Variants in FRY observed in about 807,000 individuals in gnomAD.
The protein encoded by FRY is protein furry homolog.
In FRY, 128 loss-of-function variants were observed where a neutral mutation model predicts 348.4. The observed-to-expected ratio is 0.37, with a 90% CI of 0.32 to 0.43. The LOEUF (loss-of-function observed/expected upper bound fraction) is 0.43. FRY is among the 20% of genes least tolerant of loss of function. The pLI, the probability that FRY is intolerant of heterozygous loss-of-function variation, is 1.00. For missense variants in FRY, 2,736 were observed against 3,695.2 expected, an observed-to-expected ratio of 0.74 and a Z score of 6.73; for synonymous variants, 1,370 against 1,374.7, an observed-to-expected ratio of 1.00 and a Z score of 0.08.
intron 55 of FRY, among the ~76,000 whole-genome samples, chr13:32,274,388 T>C (rs1033544829): frequency 2.4e-4 from 36 of 152,106 alleles, no homozygotes; most frequent in Non-Finnish European, 4.6e-4. Context: ...TTGTACACAG[T>C]AAACATATAC....
chr13:32,262,944 T>A (rs1323341569), intron 53 of FRY, among the ~76,000 whole-genome samples: 1 of 152,262 alleles, frequency 6.6e-6, no homozygotes, highest in Non-Finnish European at 1.5e-5. Context: ...ACTATCAGAA[T>A]TTTTAATGTC....
intron 4 of FRY, among the ~76,000 whole-genome samples, chr13:32,120,720 G>A (rs1878598785): frequency 6.6e-6 from 1 of 152,200 alleles, no homozygotes; most frequent in Non-Finnish European, 1.5e-5. Context: ...GGAGTGCAAT[G>A]GCATGATCTC....
Position 32,204,047 on chromosome 13 carries a change from G to C in FRY, c.4018+1520G>C, listed in dbSNP as rs187138793. 2.7e-3 allele frequency among the ~76,000 whole-genome samples: 405 copies of C among 152,284 alleles called. 4 individuals carry two copies. Among genetic ancestry groups the C allele is most frequent in the African/African-American group, 9.1e-3 (378 of 41,542 alleles). ...TAGTAGGTACCAGCCTCCATGCTAGGTACTTTATGTGCATTGCATTTATCA... is the reference window on the plus strand; with the variant it reads ...TAGTAGGTACCAGCCTCCATGCTAGCTACTTTATGTGCATTGCATTTATCA... On this transcript the variant is annotated intron_variant, in intron 31 of 60. Transcript: ENST00000542859.
chr13:32,110,671 A>T (rs1249540453), intron 3 of FRY, among the ~76,000 whole-genome samples: 1 of 151,990 alleles, frequency 6.6e-6, no homozygotes, highest in African/African-American at 2.4e-5. Context: ...TTGCTTGTTG[A>T]TTTGCTCTGC....
chr13:32,116,787 G>A (rs1469976698), intron 3 of FRY, among the ~76,000 whole-genome samples: 2 of 152,052 alleles, frequency 1.3e-5, no homozygotes, highest in Non-Finnish European at 2.9e-5. Flanking sequence ...TGCCTTTAAT[G>A]TAACAGGGGG....
At chr13:32,231,155 G>T in intron 40 of FRY, 24 bp from the exon 41 acceptor site, 1 of 1,609,590 alleles carries the variant, frequency 6.2e-7, no homozygotes, top group South Asian at 1.1e-5. Context: ...TTATATTTTT[G>T]ACATTTTGTG....
At chr13:32,169,261 C>T (rs527432941) in intron 17 of FRY, among the ~76,000 whole-genome samples, 7 of 152,258 alleles carry the variant, frequency 4.6e-5, no homozygotes, top group African/African-American at 1.7e-4. Flanking sequence ...AGACATTCTC[C>T]CTATTCCTGC....
chr13:32,289,791 T>A, intron 59 of FRY, 48 bp downstream of exon 59: 1 of 954,438 alleles, frequency 1.0e-6, no homozygotes, highest in Non-Finnish European at 1.7e-6. Flanking sequence ...AAAAACCATT[T>A]CTTTTGTTCT....
rs55673178 is a variant in FRY at position 32,231,282 on chromosome 13, T to G, written c.5509T>G (p.Phe1837Val). Residue 1837 changes from phenylalanine to valine, a missense_variant, in exon 41 of 61, where the codon TTT (phenylalanine) becomes GTT (valine). Physicochemically the swap from Phe to Val is conservative, Grantham distance 50. This residue lies in a region of FRY where 794 missense variants were observed against 977.0 expected (regional missense o/e 0.81). Transcript: ENST00000542859. Reference sequence around the variant, plus strand: ...TTTTCTACGTCACGTTGTATCTGTATTTAAAGATTCCAAATCAGGTACTTC... The same window carrying G: ...TTTTCTACGTCACGTTGTATCTGTAGTTAAAGATTCCAAATCAGGTACTTC... ...TNFLRHVVSV[F>V]KDSKSGFHLE... is the part of the protein sequence containing the mutation. 4.3e-6 allele frequency: 7 copies of G among 1,613,716 alleles called. No individual in the cohort carries two copies. The highest frequency in any genetic ancestry group is 5.9e-6 in the Non-Finnish European group (7 of 1,179,628).
At chr13:32,259,951 C>G (rs367581793) in intron 51 of FRY, among the ~76,000 whole-genome samples, 9 of 152,236 alleles carry the variant, frequency 5.9e-5, no homozygotes, top group African/African-American at 1.9e-4. Context: ...TAATCAAACA[C>G]CCCTAAGAGC....
intron 51 of FRY, among the ~76,000 whole-genome samples, chr13:32,260,854 G>C (rs1361007292): frequency 6.6e-6 from 1 of 152,162 alleles, no homozygotes; most frequent in Non-Finnish European, 1.5e-5. Context: ...TAATAGGCTG[G>C]ATGTGGTGGC....
intron 11 of FRY, among the ~76,000 whole-genome samples, chr13:32,144,484 C>A (rs2138814849): frequency 1.3e-5 from 2 of 151,550 alleles, no homozygotes; most frequent in South Asian, 4.2e-4. Context: ...AAATGTAGAA[C>A]AGACCTAAAT....
At chr13:32,160,552 A>T (rs976075421) in intron 16 of FRY, among the ~76,000 whole-genome samples, 1 of 152,232 alleles carries the variant, frequency 6.6e-6, no homozygotes, top group African/African-American at 2.4e-5. Flanking sequence ...TTAAAAATAG[A>T]GAAGGAAATC....
chr13:32,094,099 T>G (rs1404992095), intron 2 of FRY, among the ~76,000 whole-genome samples: 1 of 152,214 alleles, frequency 6.6e-6, no homozygotes, highest in Non-Finnish European at 1.5e-5. Flanking sequence ...TATTTAATGC[T>G]CTTTAAAAAC....
intron 3 of FRY, among the ~76,000 whole-genome samples, chr13:32,114,330 A>G (rs1878164345): frequency 6.6e-6 from 1 of 152,242 alleles, no homozygotes; most frequent in East Asian, 1.9e-4. Context: ...CTAAGAAACC[A>G]GCATAGGTAC....
chr13:32,066,820 C>T (rs1226518420), intron 1 of FRY, among the ~76,000 whole-genome samples: 1 of 152,134 alleles, frequency 6.6e-6, no homozygotes, highest in Non-Finnish European at 1.5e-5. Flanking sequence ...CCATTTAAGA[C>T]CTTAGTTCTA....
intron 2 of FRY, among the ~76,000 whole-genome samples, chr13:32,084,587 G>A (rs1875731885): frequency 6.6e-6 from 1 of 152,132 alleles, no homozygotes. Context: ...ATACGTATCT[G>A]CAATTCTTTA....
At chr13:32,072,428 A>G (rs1874724440) in intron 1 of FRY, among the ~76,000 whole-genome samples, 1 of 152,110 alleles carries the variant, frequency 6.6e-6, no homozygotes, top group African/African-American at 2.4e-5. Flanking sequence ...TGCTGAAACT[A>G]TTGATTTTTT....
chr13:32,226,057 T>A, intron 39 of FRY, 83 bp downstream of exon 39: 1 of 1,192,634 alleles, frequency 8.4e-7, no homozygotes, highest in East Asian at 2.4e-5. Context: ...GAGCCCAAGT[T>A]AACTTCTCTC....
Sources: allele counts gnomAD v4.1 joint callset (sites outside exome capture counted in the v4.1 genomes callset), GRCh38; gene constraint gnomAD v4.1.1; regional missense constraint gnomAD v4.1.1; transcripts MANE v1.5; gene names NCBI Gene and HGNC (gene_info 2026-07-23, HGNC 2026-07-21).